SLC25A48: variants seen among roughly 807,000 people sequenced by gnomAD.
SLC25A48 encodes CTC-321K16.1.
A neutral mutation model predicts 32.2 loss-of-function variants in SLC25A48; 29 were observed. The observed-to-expected ratio is 0.90, with a 90% CI of 0.67 to 1.23. The LOEUF (loss-of-function observed/expected upper bound fraction) is 1.23, where lower values mean the gene tolerates loss of function less well. Ranked by LOEUF, SLC25A48 falls within the 50% of genes most tolerant of loss-of-function variation. SLC25A48 has a pLI of 0.00. For synonymous variants in SLC25A48, 164 were observed against 172.3 expected (o/e 0.95, Z 0.38); for missense variants, 399 against 422.7 (o/e 0.94, Z 0.49).
rs146222069 is a variant in SLC25A48 at position 135,714,052 on chromosome 5, G to T, written c.-521+79096G>T. The stretch of plus-strand genomic sequence containing the variant: ...ATTGAAAATGGTCTCCCGGTTGTGA[G>T]ACTGATGAAGTTAGAACCATCTATG... On this transcript the variant is annotated intron_variant, in intron 3 of 10. Transcript: ENST00000646290. 2.3e-3 allele frequency among the ~76,000 whole-genome samples: 354 copies of T among 152,326 alleles called. 2 individuals are homozygous for T. Among genetic ancestry groups the T allele is most frequent in the African/African-American group, 8.3e-3 (344 of 41,574 alleles).
chr5:135,771,746 GGAT>G (rs1756417889), intron 3 of SLC25A48, among the ~76,000 whole-genome samples: 1 of 151,328 alleles, frequency 6.6e-6, no homozygotes, highest in African/African-American at 2.4e-5. Context: ...AGGGGAGAGA[GGAT>G]GATATTACTT....
chr5:135,706,880 A>G (rs1409844192), intron 3 of SLC25A48, among the ~76,000 whole-genome samples: 1 of 152,240 alleles, frequency 6.6e-6, no homozygotes, highest in Non-Finnish European at 1.5e-5. Context: ...CTTCACTTCA[A>G]TAATTGGGAA....
chr5:135,590,752 A>G (rs1241065294), intron 1 of SLC25A48, among the ~76,000 whole-genome samples: 1 of 152,112 alleles, frequency 6.6e-6, no homozygotes, highest in East Asian at 1.9e-4. Flanking sequence ...TGGAGAAAAG[A>G]CAATAGGCTG....
intron 3 of SLC25A48, among the ~76,000 whole-genome samples, chr5:135,728,901 G>A (rs540013189): frequency 1.5e-4 from 21 of 140,606 alleles, no homozygotes; most frequent in Admixed American, 7.8e-4. Context: ...CACACCCCAA[G>A]GCTTGGATAG....
intron 3 of SLC25A48, among the ~76,000 whole-genome samples, chr5:135,679,569 A>G (rs773092472): frequency 9.9e-5 from 15 of 152,184 alleles, no homozygotes; most frequent in Non-Finnish European, 1.8e-4. Flanking sequence ...CTGCATTGGC[A>G]TCTGCTGCAG....
chr5:135,740,015 G>C (rs1755463600), intron 3 of SLC25A48, among the ~76,000 whole-genome samples: 1 of 152,076 alleles, frequency 6.6e-6, no homozygotes, highest in Non-Finnish European at 1.5e-5. Flanking sequence ...GAGTATTCCT[G>C]ACAGCTTCAA....
intron 3 of SLC25A48, among the ~76,000 whole-genome samples, chr5:135,795,246 CAGA>C (rs1390984449): frequency 2.6e-5 from 4 of 151,788 alleles, no homozygotes; most frequent in African/African-American, 2.4e-5. Flanking sequence ...CCCAATATCG[CAGA>C]AGGTGTACAC....
At chr5:135,887,259 T>C (rs940370378) in intron 7 of SLC25A48, among the ~76,000 whole-genome samples, 2 of 152,166 alleles carry the variant, frequency 1.3e-5, no homozygotes, top group Admixed American at 6.5e-5. Context: ...CAGAGGGCAA[T>C]TGTGTTCCTC....
In SLC25A48 at chr5:135,871,462, C is replaced by T; in HGVS notation, c.423C>T (p.Ala141=). ...LQMQTQPFRD[A]NLGLKSRAVA... ...ACCTTCTCTCCCCTGTCTTTGCAGC[C>T]AACCTCGGTTTGAAGTCCAGGGCAG... Residue 141 remains alanine (A), a splice_region_variant and synonymous_variant, in exon 5 of 8, where the codon GCC becomes GCT. Transcript: ENST00000681962. 1 of 1,581,704 alleles carries T rather than the reference C, an allele frequency of 6.3e-7. No individual in the cohort carries two copies. The highest frequency in any genetic ancestry group is 8.6e-7 in the Non-Finnish European group (1 of 1,160,136).
rs971411970 is a variant in SLC25A48 at position 135,745,166 on chromosome 5, C to T, written c.-520-67357C>T. On this transcript the variant is annotated intron_variant, in intron 3 of 10. Transcript: ENST00000646290. Reference sequence around the variant, plus strand: ...CTGAGAGCCCCGAACAGAGTTTGACCCACATACTTATTGACAGCAAGCCAG... The same window carrying T: ...CTGAGAGCCCCGAACAGAGTTTGACTCACATACTTATTGACAGCAAGCCAG... Among the ~76,000 whole-genome samples the T allele has an allele frequency of 2.6e-5, 4 of 152,150 alleles. No homozygotes were observed. In the East Asian group the frequency reaches 7.7e-4, roughly 29 times the overall value.
chr5:135,789,655 T>A (rs12655593), intron 3 of SLC25A48, among the ~76,000 whole-genome samples: 97,716 of 150,288 alleles, frequency 0.65, 34,127 homozygotes, highest in Non-Finnish European at 0.77. Flanking sequence ...TGCGATATGG[T>A]TTGTAATATA....
intron 3 of SLC25A48, among the ~76,000 whole-genome samples, chr5:135,810,394 A>G (rs535828216): frequency 1.2e-4 from 19 of 152,302 alleles, no homozygotes; most frequent in Middle Eastern, 3.4e-3. Context: ...GTTTTGGGTA[A>G]TATGGCCCCA....
intron 4 of SLC25A48, among the ~76,000 whole-genome samples, chr5:135,857,250 C>A (rs1009455304): frequency 1.3e-5 from 2 of 152,212 alleles, no homozygotes; most frequent in Admixed American, 6.5e-5. Context: ...TCATACCAGG[C>A]CCTGAGTGAT....
At chr5:135,852,017 C>T (rs1357802470) in intron 3 of SLC25A48, among the ~76,000 whole-genome samples, 1 of 152,200 alleles carries the variant, frequency 6.6e-6, no homozygotes, top group African/African-American at 2.4e-5. Flanking sequence ...CTGTCTTACA[C>T]CACAGGCTTA....
chr5:135,865,233 T>A (rs373054871), intron 4 of SLC25A48, among the ~76,000 whole-genome samples: 2 of 152,170 alleles, frequency 1.3e-5, no homozygotes, highest in African/African-American at 4.8e-5. Context: ...CAGGGCTCTT[T>A]CTATGAAAGC....
At chr5:135,778,475 G>A (rs1756627269) in intron 3 of SLC25A48, among the ~76,000 whole-genome samples, 1 of 151,444 alleles carries the variant, frequency 6.6e-6, no homozygotes, top group Non-Finnish European at 1.5e-5. Flanking sequence ...GCTGTGATAT[G>A]TTTCCTAATG....
chr5:135,887,982 T>C (rs746766274), intron 7 of SLC25A48, 50 bp from the exon 8 acceptor site: 50 of 1,533,550 alleles, frequency 3.3e-5, no homozygotes, highest in Middle Eastern at 3.4e-4. Flanking sequence ...TTCTGGTTTC[T>C]GTTCTTTGCC....
intron 3 of SLC25A48, among the ~76,000 whole-genome samples, chr5:135,773,558 C>T (rs1448916072): frequency 6.6e-6 from 1 of 151,294 alleles, no homozygotes; most frequent in Non-Finnish European, 1.5e-5. Flanking sequence ...TCCCCCCACC[C>T]TGGGTATTAC....
chr5:135,719,756 C>G (rs909725570), intron 3 of SLC25A48, among the ~76,000 whole-genome samples: 4 of 152,110 alleles, frequency 2.6e-5, no homozygotes, highest in Non-Finnish European at 5.9e-5. Flanking sequence ...AGAAGGGGCT[C>G]GGATCAGCAT....
Sources: allele counts gnomAD v4.1 joint callset (sites outside exome capture counted in the v4.1 genomes callset), GRCh38; gene constraint gnomAD v4.1.1; transcripts MANE v1.5; gene names NCBI Gene and HGNC (gene_info 2026-07-23, HGNC 2026-07-21).